RGS6: variants seen among roughly 807,000 people sequenced by gnomAD.
RGS6 encodes the protein regulator of G-protein signaling 6.
A neutral mutation model predicts 78.5 loss-of-function variants in RGS6; 30 were observed. The observed-to-expected ratio is 0.38, with a 90% CI of 0.29 to 0.52. The LOEUF (loss-of-function observed/expected upper bound fraction) is 0.52. Among genes scored for constraint, RGS6 ranks in the 20% least tolerant of loss-of-function variants. RGS6 has a pLI of 0.85. For synonymous variants in RGS6, 206 were observed against 206.0 expected, an observed-to-expected ratio of 1.00 and a Z score of 0.00; for missense variants, 495 against 609.7, an observed-to-expected ratio of 0.81 and a Z score of 1.98.
At chr14:72,007,941 A>G (rs41389946) in intron 2 of RGS6, among the ~76,000 whole-genome samples, 1 of 152,164 alleles carries the variant, frequency 6.6e-6, no homozygotes, top group Non-Finnish European at 1.5e-5. Flanking sequence ...TTGGACCACC[A>G]AGTGTCAACA....
At chr14:72,341,446 A>G (rs1246521148) in intron 2 of RGS6, among the ~76,000 whole-genome samples, 1 of 152,216 alleles carries the variant, frequency 6.6e-6, no homozygotes, top group Non-Finnish European at 1.5e-5. Context: ...CCATAGTAAC[A>G]TGTATAATAC....
intron 2 of RGS6, among the ~76,000 whole-genome samples, chr14:72,114,334 T>C (rs1260019919): frequency 6.6e-6 from 1 of 152,186 alleles, no homozygotes; most frequent in Admixed American, 6.6e-5. Context: ...CAGTCTCTCT[T>C]TGTTTGTTGC....
At chr14:72,519,435 G>T (rs548235975) in intron 15 of RGS6, among the ~76,000 whole-genome samples, 1 of 152,182 alleles carries the variant, frequency 6.6e-6, no homozygotes, top group African/African-American at 2.4e-5. Flanking sequence ...GAATTTGGGT[G>T]GTTTGCCCCT....
intron 2 of RGS6, among the ~76,000 whole-genome samples, chr14:72,116,129 A>C (rs1371716214): frequency 1.3e-5 from 2 of 152,194 alleles, no homozygotes; most frequent in African/African-American, 4.8e-5. Context: ...CCTAAACATA[A>C]ATGGGCATGG....
At chr14:71,965,936 G>A (rs2093483351) in intron 2 of RGS6, among the ~76,000 whole-genome samples, 1 of 152,124 alleles carries the variant, frequency 6.6e-6, no homozygotes, top group African/African-American at 2.4e-5. Context: ...AAGATGACGG[G>A]GTTTTTGACG....
chr14:72,150,359 A>C (rs527826387), intron 2 of RGS6, among the ~76,000 whole-genome samples: 1 of 152,036 alleles, frequency 6.6e-6, no homozygotes, highest in Non-Finnish European at 1.5e-5. Flanking sequence ...TTGATTCCAG[A>C]CTTCGGGCCT....
At chr14:72,019,648 G>A (rs1015435786) in intron 2 of RGS6, among the ~76,000 whole-genome samples, 2 of 152,200 alleles carry the variant, frequency 1.3e-5, no homozygotes, top group African/African-American at 4.8e-5. Context: ...GCTTATGGAA[G>A]GCTATAGGGA....
Position 72,564,133 on chromosome 14 carries a change from A to T in RGS6, c.*1666A>T, listed in dbSNP as rs1018855357. 2.6e-5 allele frequency: 4 copies of T among 152,252 alleles called. No individual in the cohort carries two copies. Among genetic ancestry groups the T allele is most frequent in the Non-Finnish European group, 5.9e-5 (4 of 68,058 alleles). The allele number at this position is 152,252 out of a possible 1,614,324, so 9.4% of individuals were successfully genotyped here. ...CACACAGCCCTGTCCCCAGGGCACC[A>T]GCCTTCTGTCCCTCACAGCAGTGCC... On this transcript the variant is annotated 3_prime_UTR_variant, in exon 18 of 18. Coordinates refer to ENST00000553525, the MANE Select transcript of RGS6 (RefSeq NM_001204424.2).
intron 6 of RGS6, among the ~76,000 whole-genome samples, chr14:72,464,944 TC>T (rs1228572306): frequency 6.6e-6 from 1 of 152,196 alleles, no homozygotes. Flanking sequence ...CAGGGGACAG[TC>T]TAGTAAATAC....
At chr14:72,584,931 C>A in the RGS6 span, among the ~76,000 whole-genome samples, 2 of 152,090 alleles carry the variant, frequency 1.3e-5, no homozygotes, top group African/African-American at 4.8e-5. Context: ...TGCATTGAAC[C>A]AAGCCCAGGG....
intron 2 of RGS6, among the ~76,000 whole-genome samples, chr14:71,971,456 TCA>T (rs2093799694): frequency 6.6e-6 from 1 of 152,180 alleles, no homozygotes; most frequent in South Asian, 2.1e-4. Context: ...TTTTGTCTAC[TCA>T]TCCTTTTGGG....
At chr14:72,169,613 C>A (rs984501794) in intron 2 of RGS6, among the ~76,000 whole-genome samples, 5 of 152,300 alleles carry the variant, frequency 3.3e-5, no homozygotes, top group Non-Finnish European at 7.4e-5. Flanking sequence ...TTTATTGTTT[C>A]TTTTCTTATC....
At chr14:71,925,933 A>G in the RGS6 span, among the ~76,000 whole-genome samples, 2 of 152,122 alleles carry the variant, frequency 1.3e-5, no homozygotes, top group African/African-American at 2.4e-5. Flanking sequence ...AAAGAATAAA[A>G]TGCTTACAAA....
At chr14:72,298,705 C>G (rs847365) in intron 2 of RGS6, among the ~76,000 whole-genome samples, 71,157 of 151,896 alleles carry the variant, frequency 0.47, 16,796 homozygotes, top group South Asian at 0.56. Context: ...GCCTCGGCCT[C>G]CCAGAGTGCT....
the RGS6 span, among the ~76,000 whole-genome samples, chr14:72,575,903 C>T: frequency 6.6e-6 from 1 of 152,224 alleles, no homozygotes; most frequent in African/African-American, 2.4e-5. Context: ...TCCCTGTCCT[C>T]GTTCTGGCCT....
At chr14:72,238,891 C>G (rs916168894) in intron 2 of RGS6, among the ~76,000 whole-genome samples, 4 of 152,166 alleles carry the variant, frequency 2.6e-5, no homozygotes, top group Non-Finnish European at 5.9e-5. Flanking sequence ...TGTCCCCCAT[C>G]CGTGGTTTAG....
intron 2 of RGS6, among the ~76,000 whole-genome samples, chr14:72,351,790 T>A (rs932116872): frequency 2.6e-5 from 4 of 152,210 alleles, no homozygotes; most frequent in African/African-American, 9.6e-5. Context: ...TGTGATCACA[T>A]ACCTATTAAA....
intron 3 of RGS6, among the ~76,000 whole-genome samples, chr14:72,389,907 T>C (rs985899776): frequency 1.1e-4 from 17 of 152,180 alleles, no homozygotes; most frequent in Non-Finnish European, 2.5e-4. Context: ...TTTTCATAAA[T>C]TCTTCTGATT....
At chr14:72,114,778 A>G (rs1291209483) in intron 2 of RGS6, among the ~76,000 whole-genome samples, 1 of 152,256 alleles carries the variant, frequency 6.6e-6, no homozygotes, top group Non-Finnish European at 1.5e-5. Context: ...AAGCTTAATT[A>G]CTTGGATGAC....
Sources: gnomAD v4.1 joint callset for allele counts (sites outside exome capture counted in the v4.1 genomes callset) on GRCh38, gnomAD v4.1.1 for gene constraint, MANE v1.5 for transcripts, NCBI Gene and HGNC (gene_info 2026-07-23, HGNC 2026-07-21) for gene names.